KRABD3: variants seen among roughly 807,000 people sequenced by gnomAD.
KRABD3 encodes KRAB domain-containing protein 3.
At chr7:149,729,545 T>A in the KRABD3 span, 4 of 985,448 alleles carry the variant, frequency 4.1e-6, no homozygotes, top group Non-Finnish European at 4.8e-6. Flanking sequence ...AGATAAAGTG[T>A]CACAAAGTGC....
the KRABD3 span, among the ~76,000 whole-genome samples, chr7:149,728,131 G>A: frequency 2.0e-5 from 3 of 152,264 alleles, no homozygotes; most frequent in African/African-American, 4.8e-5. Flanking sequence ...CAGAGGCCAG[G>A]GGGCCTGTGT....
At chr7:149,724,657 G>A in the KRABD3 span, 1 of 1,531,112 alleles carries the variant, frequency 6.5e-7, no homozygotes, top group African/African-American at 1.4e-5. Flanking sequence ...CGCAGGGCCT[G>A]GATACCTCCT....
At chr7:149,717,036 C>G in the KRABD3 span, among the ~76,000 whole-genome samples, 5 of 152,224 alleles carry the variant, frequency 3.3e-5, no homozygotes, top group South Asian at 1.0e-3. Context: ...TGAGGCTAGG[C>G]CCCAGTCACC....
chr7:149,724,855 G>GC, the KRABD3 span: 2 of 1,556,014 alleles, frequency 1.3e-6, no homozygotes, highest in Non-Finnish European at 1.7e-6. Context: ...TCAAGGTGAG[G>GC]CCTGAGATTG....
the KRABD3 span, chr7:149,725,877 TTCCC>T: frequency 6.4e-7 from 1 of 1,561,666 alleles, no homozygotes; most frequent in African/African-American, 1.4e-5. Context: ...AACTGTGCTG[TTCCC>T]TACAGAAGCG....
chr7:149,719,580 T>A, the KRABD3 span: 1 of 1,606,318 alleles, frequency 6.2e-7, no homozygotes, highest in Non-Finnish European at 8.5e-7. The surrounding 1 kb of genome is among the most constrained non-coding windows in gnomAD (Gnocchi z 5.6). Flanking sequence ...GCCGTGCGGT[T>A]CTCGGAGGAG....
At chr7:149,733,602 C>T in the KRABD3 span, 2 of 1,596,916 alleles carry the variant, frequency 1.3e-6, no homozygotes, top group Non-Finnish European at 1.7e-6. Flanking sequence ...CCCACGAGGC[C>T]TAAACCAAAG....
At chr7:149,734,122 C>T in the KRABD3 span, 4 of 1,493,684 alleles carry the variant, frequency 2.7e-6, no homozygotes, top group South Asian at 1.4e-5. Context: ...GTCACCCCAC[C>T]CCAGGCCACC....
chr7:149,724,951 GC>G, the KRABD3 span: 1 of 979,990 alleles, frequency 1.0e-6, no homozygotes, highest in Non-Finnish European at 1.4e-6. Flanking sequence ...GCAGGGAGCC[GC>G]CCCCTGGCCT....
At chr7:149,730,306 G>A in the KRABD3 span, 3 of 1,549,072 alleles carry the variant, frequency 1.9e-6, no homozygotes, top group Non-Finnish European at 2.6e-6. Flanking sequence ...GAAGACCCGA[G>A]GCCAGAGCCT....
chr7:149,721,558 A>C, the KRABD3 span: 1 of 1,607,376 alleles, frequency 6.2e-7, no homozygotes, highest in Non-Finnish European at 8.5e-7. Context: ...CAGCAGGGAC[A>C]GGGAGAACCA....
chr7:149,722,631 C>T, the KRABD3 span: 2 of 1,505,476 alleles, frequency 1.3e-6, no homozygotes, highest in African/African-American at 2.8e-5. Context: ...TGCTGCTCCG[C>T]CGCCTGGGCC....
At chr7:149,733,997 G>A in the KRABD3 span, 1 of 1,611,246 alleles carries the variant, frequency 6.2e-7, no homozygotes, top group Non-Finnish European at 8.5e-7. Flanking sequence ...GGCCCTCCAG[G>A]AAGAACTGTG....
At chr7:149,722,488 C>CCCCCCCCCCCAA in the KRABD3 span, 3 of 1,600,340 alleles carry the variant, frequency 1.9e-6, no homozygotes, top group Non-Finnish European at 2.6e-6. Context: ...GAGCCCAGCC[C>CCCCCCCCCCCAA]TCCCACCCAT....
the KRABD3 span, chr7:149,723,565 G>A: frequency 1.4e-5 from 9 of 625,468 alleles, no homozygotes; most frequent in East Asian, 8.4e-5. Flanking sequence ...TGCCCTGTCC[G>A]GTTCTGGCAG....
chr7:149,716,185 A>T, the KRABD3 span, among the ~76,000 whole-genome samples: 6 of 152,070 alleles, frequency 3.9e-5, no homozygotes, highest in Non-Finnish European at 5.9e-5. Context: ...CCACTGGGAG[A>T]GCAGGTCTAG....
the KRABD3 span, chr7:149,723,835 G>A: frequency 6.2e-7 from 1 of 1,613,958 alleles, no homozygotes; most frequent in Non-Finnish European, 8.5e-7. Context: ...TCCCTCAGGA[G>A]TGGGGAACCG....
the KRABD3 span, chr7:149,731,843 C>A: frequency 8.5e-7 from 1 of 1,180,880 alleles, no homozygotes; most frequent in Non-Finnish European, 1.2e-6. Context: ...TTGGGGAAAA[C>A]AGCCTTCCAG....
At chr7:149,724,696 G>A in the KRABD3 span, 4 of 1,549,046 alleles carry the variant, frequency 2.6e-6, no homozygotes, top group South Asian at 3.6e-5. Flanking sequence ...TGATCTTGGA[G>A]CTGGCGGTCT....
Sources: gnomAD v4.1 joint callset for allele counts (sites outside exome capture counted in the v4.1 genomes callset) on GRCh38, gnomAD v4.1.1 for gene constraint, Gnocchi (gnomAD v3.1) non-coding constraint, MANE v1.5 for transcripts, NCBI Gene and HGNC (gene_info 2026-07-23, HGNC 2026-07-21) for gene names.